DYNC2H1: variants seen among roughly 807,000 people sequenced by gnomAD.
The protein encoded by DYNC2H1 is cytoplasmic dynein 2 heavy chain 1.
DYNC2H1 carries 410 observed loss-of-function variants against 570.0 expected under a neutral mutation model. The observed-to-expected ratio is 0.72, with a 90% CI of 0.66 to 0.78. The LOEUF is 0.78. DYNC2H1 is among the 30% of genes least tolerant of loss of function. DYNC2H1 has a pLI of 0.00. For synonymous variants in DYNC2H1, 1,688 were observed against 1,677.6 expected (o/e 1.01, Z -0.15); for missense variants, 4,865 against 5,046.4 (o/e 0.96, Z 1.09).
At chr11:103,400,059 G>C (rs1942573479) in intron 84 of DYNC2H1, among the ~76,000 whole-genome samples, 187 bp downstream of exon 84, 2 of 152,296 alleles carry the variant, frequency 1.3e-5, no homozygotes, top group Non-Finnish European at 2.9e-5. Flanking sequence ...ATGCCAGCTT[G>C]ATGTAGGAAC....
rs376385873 is a variant in DYNC2H1 at position 103,170,199 on chromosome 11, C to T, written c.5060C>T (p.Pro1687Leu). 5.1e-5 allele frequency: 82 copies of T among 1,612,774 alleles called. No individual in the cohort carries two copies. The highest frequency in any genetic ancestry group is 6.4e-5 in the Non-Finnish European group (76 of 1,179,404). The part of the protein sequence containing the change: ...QAMKMGLGGN[P>L]YGPAGTGKTE... ...ATGAAGATGGGACTTGGAGGAAATC[C>T]TTATGGACCAGCTGGAACTGGGAAA... is the stretch of plus-strand genomic sequence containing the variant. The change falls in exon 33 of 89, where the codon CCT becomes CTT. Residue 1687 changes from proline to leucine, a missense_variant. This residue lies in a region of DYNC2H1 where 1,936 missense variants were observed against 1,962.1 expected (regional missense o/e 0.99). Coordinates refer to ENST00000375735, the MANE Select transcript of DYNC2H1 (RefSeq NM_001377.3). The surrounding 1 kb of genome is among the most constrained non-coding windows in gnomAD (Gnocchi z 4.8).
At chr11:103,240,027 A>AT (rs56193715) in intron 63 of DYNC2H1, among the ~76,000 whole-genome samples, 37,031 of 151,924 alleles carry the variant, frequency 0.24, 5,047 homozygotes, top group African/African-American at 0.38. Flanking sequence ...TAAATTCACC[A>AT]TTTTTTAAGT....
At chr11:103,434,098 A>C (rs1422706254) in intron 84 of DYNC2H1, among the ~76,000 whole-genome samples, 5 of 152,064 alleles carry the variant, frequency 3.3e-5, no homozygotes, top group African/African-American at 1.2e-4. Context: ...TTTCAATAAG[A>C]TGTAGCTCAT....
intron 65 of DYNC2H1, among the ~76,000 whole-genome samples, chr11:103,246,827 C>T (rs17100191): frequency 0.11 from 16,376 of 151,938 alleles, 1,033 homozygotes; most frequent in East Asian, 0.22. Context: ...TCCCAGTGTC[C>T]TTAATCTAAG....
intron 82 of DYNC2H1, among the ~76,000 whole-genome samples, chr11:103,353,905 G>A (rs1352979904): frequency 6.6e-6 from 1 of 151,956 alleles, no homozygotes; most frequent in Non-Finnish European, 1.5e-5. Flanking sequence ...TGGGCCGGGT[G>A]CGGTGGCTCA....
chr11:103,196,066 G>T (rs796333274), intron 47 of DYNC2H1, among the ~76,000 whole-genome samples: 28 of 152,302 alleles, frequency 1.8e-4, no homozygotes, highest in African/African-American at 5.3e-4. Context: ...AAGCCAGATT[G>T]TGGAGGGCCA....
chr11:103,292,747 A>G (rs1591534660), intron 75 of DYNC2H1, among the ~76,000 whole-genome samples: 3 of 152,186 alleles, frequency 2.0e-5, no homozygotes, highest in Non-Finnish European at 2.9e-5. Flanking sequence ...TCCTTTTGCC[A>G]TGTAACATGC....
At chr11:103,458,458 C>G (rs1178531212) in intron 87 of DYNC2H1, among the ~76,000 whole-genome samples, 1 of 150,418 alleles carries the variant, frequency 6.6e-6, no homozygotes, top group Non-Finnish European at 1.5e-5. Flanking sequence ...TTCCAAAATT[C>G]AAAAAAAAAT....
intron 85 of DYNC2H1, among the ~76,000 whole-genome samples, chr11:103,440,299 A>C (rs924090007): frequency 6.6e-6 from 1 of 152,156 alleles, no homozygotes; most frequent in East Asian, 1.9e-4. Flanking sequence ...TTGGAAAGCA[A>C]ACTTGGAGTG....
chr11:103,337,562 G>C (rs950089824), intron 82 of DYNC2H1, among the ~76,000 whole-genome samples: 1 of 151,952 alleles, frequency 6.6e-6, no homozygotes, highest in Non-Finnish European at 1.5e-5. Context: ...TTGTCTTTTT[G>C]ATAAAAGCTA....
intron 29 of DYNC2H1, 96 bp from the exon 30 acceptor site, chr11:103,162,932 G>C: frequency 1.8e-6 from 2 of 1,109,074 alleles, no homozygotes; most frequent in Admixed American, 2.4e-5. Context: ...TAACAGTATA[G>C]AGTTAGTAGA....
chr11:103,375,754 T>C (rs1230405476), intron 83 of DYNC2H1, among the ~76,000 whole-genome samples: 1 of 152,220 alleles, frequency 6.6e-6, no homozygotes, highest in Non-Finnish European at 1.5e-5. Flanking sequence ...AGGAAGTAAC[T>C]AACTTGCTTT....
intron 83 of DYNC2H1, among the ~76,000 whole-genome samples, chr11:103,365,179 T>C (rs1291956386): frequency 6.6e-6 from 1 of 151,968 alleles, no homozygotes; most frequent in Admixed American, 6.6e-5. Context: ...CTGACAAACA[T>C]GGAGAAACCC....
intron 18 of DYNC2H1, among the ~76,000 whole-genome samples, chr11:103,143,741 C>G (rs1297792936): frequency 6.6e-6 from 1 of 152,132 alleles, no homozygotes; most frequent in East Asian, 1.9e-4. Context: ...AGTGACATTT[C>G]ACTCTGCTTT....
At position 103,255,202 on chromosome 11, in the gene DYNC2H1, AG is replaced by A. The variant is rs1399431346; in HGVS notation, c.10207-212del. 1.1e-3 allele frequency among the ~76,000 whole-genome samples: 165 copies of A among 152,288 alleles called. 3 individuals are homozygous for A. ...CACTTTCTTACAGCTTTTCTACAGT[AG>A]TTAATATTTTACTGATCAGCTTAAC... On this transcript the variant is annotated intron_variant, in intron 66 of 88. Transcript: ENST00000375735.
intron 65 of DYNC2H1, among the ~76,000 whole-genome samples, chr11:103,250,063 G>A (rs192223593): frequency 2.0e-5 from 3 of 152,090 alleles, no homozygotes; most frequent in Non-Finnish European, 2.9e-5. Flanking sequence ...GCTGGTAAAC[G>A]TGAGCTATGG....
chr11:103,113,506 A>G (rs759444645), intron 1 of DYNC2H1, 31 bp from the exon 2 acceptor site: 49 of 1,453,198 alleles, frequency 3.4e-5, no homozygotes, highest in Non-Finnish European at 4.4e-5. Context: ...AATTTTATGA[A>G]GATAACATTA....
At chr11:103,194,348 T>C (rs949613747) in intron 47 of DYNC2H1, among the ~76,000 whole-genome samples, 1 of 152,246 alleles carries the variant, frequency 6.6e-6, no homozygotes, top group East Asian at 1.9e-4. Context: ...TTTTCAGTTT[T>C]TGGCTGTTAG....
intron 70 of DYNC2H1, among the ~76,000 whole-genome samples, chr11:103,270,577 C>A (rs370771124): frequency 6.8e-6 from 1 of 146,262 alleles, no homozygotes; most frequent in South Asian, 2.2e-4. Flanking sequence ...TGATGTGGTA[C>A]CTCTCTCTCT....
Sources: gnomAD v4.1 joint callset for allele counts (sites outside exome capture counted in the v4.1 genomes callset) on GRCh38, gnomAD v4.1.1 for gene constraint, gnomAD v4.1.1 regional missense constraint, Gnocchi (gnomAD v3.1) non-coding constraint, MANE v1.5 for transcripts, NCBI Gene and HGNC (gene_info 2026-07-23, HGNC 2026-07-21) for gene names.